HOMEZ: variants seen among roughly 807,000 people sequenced by gnomAD.
HOMEZ encodes the protein homeobox and leucine zipper encoding, also known as homeobox and leucine zipper protein Homez.
In HOMEZ, 20 loss-of-function variants were observed where a neutral mutation model predicts 50.1. The observed-to-expected ratio is 0.40, with a 90% confidence interval of 0.28 to 0.58. The LOEUF is 0.58. Among genes scored for constraint, HOMEZ ranks in the 20% least tolerant of loss-of-function variants. The probability of loss-of-function intolerance (pLI) is 0.46; values close to 1 mark genes in which losing one functional copy is unlikely to be tolerated. For missense variants in HOMEZ, 579 were observed against 680.5 expected (o/e 0.85, Z 1.66); for synonymous variants, 239 against 254.7 (o/e 0.94, Z 0.59).
chr14:23,278,556 G>T (rs1373651146), intron 1 of HOMEZ, among the ~76,000 whole-genome samples: 3 of 151,912 alleles, frequency 2.0e-5, no homozygotes, highest in Non-Finnish European at 4.4e-5. Context: ...TGTAGACAGG[G>T]TCTCACTATG....
Position 23,272,968 on chromosome 14 carries a change from C to T in HOMEZ, c.*2607G>A, listed in dbSNP as rs1886223924. ...TCCAGTACGCATTAGGGGTGATGGCCCTGGAAAATGTATCCCTGCATTGTT... is the reference window on the plus strand; with the variant it reads ...TCCAGTACGCATTAGGGGTGATGGCTCTGGAAAATGTATCCCTGCATTGTT... On this transcript the variant is annotated 3_prime_UTR_variant, in exon 2 of 2. Transcript: ENST00000357460. The T allele has an allele frequency of 3.8e-6, 3 of 785,332 alleles. No individual in the cohort carries two copies. Among genetic ancestry groups the T allele is most frequent in the Admixed American group, 6.2e-5 (2 of 32,380 alleles). 48.6% of individuals were successfully genotyped at this position (785,332 alleles called of 1,614,324 possible).
chr14:23,286,037 C>T lies in HOMEZ; in HGVS notation c.-85G>A. 1 of 1,232,264 alleles carries T rather than the reference C, an allele frequency of 8.1e-7. No individual in the cohort carries two copies. Among genetic ancestry groups the T allele is most frequent in the Non-Finnish European group, 1.0e-6 (1 of 987,484 alleles). 76.3% of individuals were successfully genotyped at this position (1,232,264 alleles called of 1,614,324 possible). The stretch of plus-strand genomic sequence containing the variant: ...CCGGTGCGGCCGCTCCGAGCCCACC[C>T]CAGCGATGGCCGAAACCGGGACTGC... On this transcript the variant is annotated 5_prime_UTR_variant, in exon 1 of 2. Transcript: ENST00000357460.
At position 23,277,042 on chromosome 14, in the gene HOMEZ, A is replaced by G. The variant is rs1356691459; in HGVS notation, c.186T>C (p.Ser62=). The stretch of plus-strand genomic sequence containing the variant: ...GCAGGTGTTCATTGCTGTCTAGCTC[A>G]CTGGTCTGGGCTGCTTGCGTCCACA... ...QLVWTQAAQT[S]ELDSNEHLLK... is the part of the protein sequence containing the mutation. Residue 62 remains serine (S), a synonymous_variant, in exon 2 of 2, where the codon AGT becomes AGC. Transcript: ENST00000357460. 6.2e-7 allele frequency: 1 copy of G among 1,614,024 alleles called. No homozygotes were observed. The highest frequency in any genetic ancestry group is 1.1e-5 in the South Asian group (1 of 91,086).
At position 23,275,641 on chromosome 14, in the gene HOMEZ, CTCA is replaced by C. The variant is rs1886332315; in HGVS notation, c.1584_1586del (p.Asp528del). The C allele has an allele frequency of 2.4e-5, 37 of 1,552,020 alleles. No homozygotes were observed. The highest frequency in any genetic ancestry group is 2.2e-4 in the East Asian group (9 of 41,856). On this transcript the variant is annotated inframe_deletion, in exon 2 of 2. Coordinates refer to ENST00000357460, the MANE Select transcript of HOMEZ (RefSeq NM_020834.3). Reference sequence around the variant, plus strand: ...CTTCCTCCTCCTCCTCCTCCTCTTCCTCATCATCTTCTGGCAGTTCTTCCTCCT... The same window carrying C: ...CTTCCTCCTCCTCCTCCTCCTCTTCCTCATCTTCTGGCAGTTCTTCCTCCT...
rs3208861 is a variant in HOMEZ at position 23,275,614 on chromosome 14, A to T, written c.1614T>A (p.Asp538Glu). ...DEEEEEEEEE[D>E]DDDDDDDVII... ...TCACATCATCATCATCATCATCATC[A>T]TCTTCCTCCTCCTCCTCCTCCTCTT... The change falls in exon 2 of 2, where the codon GAT (aspartate) becomes GAA (glutamate). Residue 538 changes from aspartate to glutamate, a missense_variant. Asp to Glu is a conservative substitution (Grantham distance 45). Coordinates refer to ENST00000357460, the MANE Select transcript of HOMEZ (RefSeq NM_020834.3). 1.3e-5 allele frequency: 13 copies of T among 972,896 alleles called. No homozygotes were observed. Among genetic ancestry groups the T allele is most frequent in the African/African-American group, 3.9e-5 (2 of 51,510 alleles). 60.3% of individuals were successfully genotyped at this position (972,896 alleles called of 1,614,324 possible).
chr14:23,285,839 G>A (rs1431114692), intron 1 of HOMEZ, 74 bp downstream of exon 1: 3 of 846,118 alleles, frequency 3.5e-6, no homozygotes, highest in Non-Finnish European at 3.2e-6. Flanking sequence ...CCACCAGCGC[G>A]GGGATGGGGC....
intron 1 of HOMEZ, chr14:23,285,115 T>C (rs755947126): frequency 1.3e-5 from 2 of 152,212 alleles, no homozygotes; most frequent in East Asian, 1.9e-4. Flanking sequence ...GAAATGGATA[T>C]ACTTTTAATT....
At chr14:23,285,849 C>G (rs561354201) in intron 1 of HOMEZ, 64 bp downstream of exon 1, 11 of 947,002 alleles carry the variant, frequency 1.2e-5, no homozygotes, top group Non-Finnish European at 1.4e-5. Context: ...GGGGATGGGG[C>G]TCCAGAGGTG....
chr14:23,276,798 G>T lies in HOMEZ; in HGVS notation c.430C>A (p.His144Asn), dbSNP rs1029872144. 6.2e-7 allele frequency: 1 copy of T among 1,614,066 alleles called. No individual in the cohort carries two copies. The highest frequency in any genetic ancestry group is 1.1e-5 in the South Asian group (1 of 91,084). ...ACCTCCTCTGGGGGCCGTCCCGCAT[G>T]ATGAGTAAAAGAGAGAAGGGATTTG... ...HFKSLLSFTH[H>N]AGRPPEEVPP... is the part of the protein sequence containing the mutation. Residue 144 changes from histidine (H) to asparagine (N), a missense_variant, in exon 2 of 2, where the codon CAT becomes AAT. By Grantham distance (68) the His-to-Asn change is moderately conservative. Coordinates refer to ENST00000357460, the MANE Select transcript of HOMEZ (RefSeq NM_020834.3). This position sits in a 1 kb window ranked among gnomAD's most constrained non-coding sequence, Gnocchi z 4.1.
In HOMEZ at chr14:23,274,627, G is replaced by A. The variant is rs752365062; in HGVS notation, c.*948C>T. On this transcript the variant is annotated 3_prime_UTR_variant, in exon 2 of 2. Transcript: ENST00000357460. The stretch of plus-strand genomic sequence containing the variant: ...GGTCACAGCATAAGAACTGAAAATA[G>A]CCGGGCACGGTGGCTCATGCCTATA... The A allele has an allele frequency of 3.9e-5, 6 of 152,618 alleles. No individual in the cohort carries two copies. The highest frequency in any genetic ancestry group is 7.3e-5 in the Non-Finnish European group (5 of 68,082). 9.5% of individuals were successfully genotyped at this position (152,618 alleles called of 1,614,324 possible). A position where few individuals can be genotyped will look rare whatever the true frequency, so the allele number is the denominator to read the frequency against.
intron 1 of HOMEZ, among the ~76,000 whole-genome samples, chr14:23,280,715 A>ATTTT (rs1164259694): frequency 6.7e-5 from 4 of 60,086 alleles, no homozygotes; most frequent in African/African-American, 2.8e-4. Flanking sequence ...TTTTATTTTT[A>ATTTT]TTTTATTTTA....
chr14:23,281,067 C>T (rs997868045), intron 1 of HOMEZ, among the ~76,000 whole-genome samples: 1 of 151,944 alleles, frequency 6.6e-6, no homozygotes, highest in African/African-American at 2.4e-5. Flanking sequence ...CCGGGCCCAG[C>T]CTTCTATCTG....
chr14:23,279,172 C>T (rs1176185830), intron 1 of HOMEZ, among the ~76,000 whole-genome samples: 1 of 152,134 alleles, frequency 6.6e-6, no homozygotes, highest in East Asian at 1.9e-4. Context: ...TTAGTAGAGA[C>T]GAAGTTTCAC....
chr14:23,285,816 T>C (rs921124577), intron 1 of HOMEZ, 97 bp downstream of exon 1: 7 of 691,684 alleles, frequency 1.0e-5, no homozygotes, highest in Middle Eastern at 2.6e-4. Flanking sequence ...ACTTCGAACC[T>C]AGAATTATCC....
rs944892256 is a variant in HOMEZ at position 23,273,672 on chromosome 14, C to G, written c.*1903G>C. Reference sequence around the variant, plus strand: ...GGCATCTGCCAGAAATAAATTAGGTCTTGGGAATGATCTTGTATCTGAACT... The same window carrying G: ...GGCATCTGCCAGAAATAAATTAGGTGTTGGGAATGATCTTGTATCTGAACT... On this transcript the variant is annotated 3_prime_UTR_variant, in exon 2 of 2. Coordinates refer to ENST00000357460, the MANE Select transcript of HOMEZ (RefSeq NM_020834.3). The G allele has an allele frequency of 6.6e-6, 1 of 152,222 alleles. No individual in the cohort carries two copies. The highest frequency in any genetic ancestry group is 1.5e-5 in the Non-Finnish European group (1 of 68,040). The allele number at this position is 152,222 out of a possible 1,614,324, so 9.4% of individuals were successfully genotyped here. A position where few individuals can be genotyped will look rare whatever the true frequency, so the allele number is the denominator to read the frequency against.
rs528336321 is a variant in HOMEZ, at chr14:23,286,017, G to A, written c.-65C>T. ...AGTGGGAGTGGGGTTGCTGCCCGGT[G>A]CGGCCGCTCCGAGCCCACCCCAGCG... is the stretch of plus-strand genomic sequence containing the variant. On this transcript the variant is annotated 5_prime_UTR_variant, in exon 1 of 2. Transcript: ENST00000357460. 325 of 1,233,694 alleles carry A rather than the reference G, an allele frequency of 2.6e-4. 1 individual carries two copies. The African/African-American group carries it at 4.7e-3, about 18-fold the overall frequency. The allele number at this position is 1,233,694 out of a possible 1,614,324, so 76.4% of individuals were successfully genotyped here.
Position 23,276,902 on chromosome 14 carries a change from C to A in HOMEZ, c.326G>T (p.Arg109Leu). The A allele has an allele frequency of 6.2e-7, 1 of 1,614,048 alleles. No homozygotes were observed. The highest frequency in any genetic ancestry group is 8.5e-7 in the Non-Finnish European group (1 of 1,179,904). The part of the protein sequence containing the change: ...VKTWFMAQRL[R>L]CGISWSSEEI... The stretch of plus-strand genomic sequence containing the variant: ...TTCAGATGACCAGCTAATACCACAG[C>A]GGAGGCGCTGGGCCATAAACCAAGT... Residue 109 changes from arginine to leucine, a missense_variant, in exon 2 of 2, where the codon CGC (arginine) becomes CTC (leucine). Physicochemically the swap from Arg to Leu is moderately radical, Grantham distance 102. Transcript: ENST00000357460. The surrounding 1 kb of genome is among the most constrained non-coding windows in gnomAD (Gnocchi z 4.1).
chr14:23,274,445 CTTCCCTAATTA>C lies in HOMEZ; in HGVS notation c.*1119_*1129del. The C allele has an allele frequency of 6.5e-6, 1 of 152,800 alleles. No homozygotes were observed. The highest frequency in any genetic ancestry group is 1.9e-4 in the East Asian group (1 of 5,188). 9.5% of individuals were successfully genotyped at this position (152,800 alleles called of 1,614,324 possible). On this transcript the variant is annotated 3_prime_UTR_variant, in exon 2 of 2. Coordinates refer to ENST00000357460, the MANE Select transcript of HOMEZ (RefSeq NM_020834.3). ...ACAATTCTACTGTTTAAAAGGACATCTTCCCTAATTACCACCTCCAATAAATATCCATTCTA... is the reference window on the plus strand; with the variant it reads ...ACAATTCTACTGTTTAAAAGGACATCCCACCTCCAATAAATATCCATTCTA...
rs1483115948 is a variant in HOMEZ, at chr14:23,274,452, A to C, written c.*1123T>G. On this transcript the variant is annotated 3_prime_UTR_variant, in exon 2 of 2. Coordinates refer to ENST00000357460, the MANE Select transcript of HOMEZ (RefSeq NM_020834.3). ...TACTGTTTAAAAGGACATCTTCCCT[A>C]ATTACCACCTCCAATAAATATCCAT... The C allele has an allele frequency of 1.3e-5, 2 of 152,642 alleles. No individual in the cohort carries two copies. The allele number at this position is 152,642 out of a possible 1,614,324, so 9.5% of individuals were successfully genotyped here. A position where few individuals can be genotyped will look rare whatever the true frequency, so the allele number is the denominator to read the frequency against.
Sources: allele counts gnomAD v4.1 joint callset (sites outside exome capture counted in the v4.1 genomes callset), GRCh38; gene constraint gnomAD v4.1.1; non-coding constraint Gnocchi (gnomAD v3.1); transcripts MANE v1.5; gene names NCBI Gene and HGNC (gene_info 2026-07-23, HGNC 2026-07-21).